Variants in UBE2H observed in about 807,000 individuals in gnomAD.
The protein encoded by UBE2H is ubiquitin-conjugating enzyme E2 H.
Under a neutral mutation model 29.0 loss-of-function variants are expected in UBE2H, and 3 were observed. The ratio of observed to expected loss-of-function variants is 0.10; its 90% CI spans 0.05 to 0.27. The LOEUF (loss-of-function observed/expected upper bound fraction) is 0.27. Among genes scored for constraint, UBE2H ranks in the 10% least tolerant of loss-of-function variants. UBE2H has a pLI of 1.00. For synonymous variants in UBE2H, 69 were observed against 82.9 expected (o/e 0.83, Z 0.91); for missense variants, 68 against 228.2 (o/e 0.30, Z 4.52).
chr7:129,884,870 A>G (rs769725773), intron 1 of UBE2H, among the ~76,000 whole-genome samples: 8 of 152,256 alleles, frequency 5.3e-5, no homozygotes, highest in Non-Finnish European at 8.8e-5. Flanking sequence ...GGCGTGAGCC[A>G]CCATGCCTAG....
At position 129,865,353 on chromosome 7, in the gene UBE2H, T is replaced by C. The variant is rs530517670; in HGVS notation, c.206-6412A>G. On this transcript the variant is annotated intron_variant, in intron 3 of 6. Coordinates refer to ENST00000355621, the MANE Select transcript of UBE2H (RefSeq NM_003344.4). ...ACACACTTCTGAGTAACTTCTGACA[T>C]TGGGGTCAATATGTAAATAAATGAG... Among the ~76,000 whole-genome samples, 182 of 152,290 alleles carry C rather than the reference T, an allele frequency of 1.2e-3. 1 individual carries two copies. Among genetic ancestry groups the C allele is most frequent in the Middle Eastern group, 6.8e-3 (2 of 294 alleles).
At chr7:129,906,701 A>G (rs939706909) in intron 1 of UBE2H, among the ~76,000 whole-genome samples, 1 of 152,230 alleles carries the variant, frequency 6.6e-6, no homozygotes, top group African/African-American at 2.4e-5. Flanking sequence ...TGAAAAAGAA[A>G]AAGTTCTTTC....
chr7:129,864,552 C>CTTTTTTTTTTTT (rs757244811), intron 3 of UBE2H, among the ~76,000 whole-genome samples: 2 of 75,670 alleles, frequency 2.6e-5, no homozygotes, highest in Non-Finnish European at 2.6e-5. Context: ...TTTTTCTTTT[C>CTTTTTTTTTTTT]TTTCTTTTTT....
chr7:129,944,287 C>T (rs927890379), intron 1 of UBE2H, among the ~76,000 whole-genome samples: 13 of 152,012 alleles, frequency 8.6e-5, no homozygotes, highest in African/African-American at 2.9e-4. Flanking sequence ...ACCCAGGAGG[C>T]GGAGCTGGCA....
intron 5 of UBE2H, among the ~76,000 whole-genome samples, chr7:129,844,620 C>T (rs1805481313): frequency 1.3e-5 from 2 of 152,072 alleles, no homozygotes; most frequent in Admixed American, 1.3e-4. Flanking sequence ...TACAGTCAGC[C>T]GACCCCATTT....
At chr7:129,843,855 C>T (rs530058624) in intron 5 of UBE2H, among the ~76,000 whole-genome samples, 2 of 152,286 alleles carry the variant, frequency 1.3e-5, no homozygotes, top group East Asian at 3.9e-4. Context: ...GATGCTATTA[C>T]ATAACAACGA....
At chr7:129,897,055 C>T (rs961878068) in intron 1 of UBE2H, among the ~76,000 whole-genome samples, 60 of 152,254 alleles carry the variant, frequency 3.9e-4, no homozygotes, top group Admixed American at 3.8e-3. Context: ...CATCCCCTTC[C>T]TCTTACATTA....
intron 1 of UBE2H, among the ~76,000 whole-genome samples, chr7:129,926,068 G>C (rs1029969833): frequency 6.6e-6 from 1 of 152,112 alleles, no homozygotes. Context: ...AGGAAACCAA[G>C]GCAAAGAGAT....
chr7:129,939,938 G>A (rs1386222577), intron 1 of UBE2H, among the ~76,000 whole-genome samples: 3 of 150,636 alleles, frequency 2.0e-5, no homozygotes, highest in Non-Finnish European at 1.5e-5. Flanking sequence ...CAGACTGGGC[G>A]ACAACATGAG....
intron 1 of UBE2H, among the ~76,000 whole-genome samples, chr7:129,914,882 C>T (rs1316596165): frequency 6.6e-6 from 1 of 152,118 alleles, no homozygotes; most frequent in Non-Finnish European, 1.5e-5. Context: ...AAAAAGAAAA[C>T]AGTACCTACC....
intron 5 of UBE2H, among the ~76,000 whole-genome samples, chr7:129,848,336 C>T (rs1384722040): frequency 6.6e-6 from 1 of 152,236 alleles, no homozygotes; most frequent in African/African-American, 2.4e-5. Flanking sequence ...AAACTTCTTT[C>T]ATCATCCCTC....
At chr7:129,863,876 C>T (rs1372325914) in intron 3 of UBE2H, among the ~76,000 whole-genome samples, 1 of 149,054 alleles carries the variant, frequency 6.7e-6, no homozygotes, top group African/African-American at 2.5e-5. Context: ...CAGCACCTTG[C>T]TCACTGCAAC....
chr7:129,883,470 A>G (rs1806295036), intron 1 of UBE2H, among the ~76,000 whole-genome samples: 1 of 152,254 alleles, frequency 6.6e-6, no homozygotes, highest in Non-Finnish European at 1.5e-5. Flanking sequence ...CAAAAATTAG[A>G]GACAATCCAA....
At chr7:129,854,060 G>GGTTTTTTTTTTTTTTTTTTT (rs1554430936) in intron 5 of UBE2H, among the ~76,000 whole-genome samples, 1 of 100,312 alleles carries the variant, frequency 1.0e-5, no homozygotes, top group Non-Finnish European at 2.0e-5. Flanking sequence ...TTTAGTGTTA[G>GGTTTTTTTTTTTTTTTTTTT]TTTTTTTTTT....
chr7:129,871,950 A>G (rs1453736085), intron 3 of UBE2H, among the ~76,000 whole-genome samples: 3 of 152,024 alleles, frequency 2.0e-5, no homozygotes, highest in African/African-American at 4.8e-5. Flanking sequence ...GGGTTCAAGT[A>G]ATTCTCCTTC....
intron 1 of UBE2H, among the ~76,000 whole-genome samples, chr7:129,911,754 C>CA (rs1806942484): frequency 6.6e-6 from 1 of 152,144 alleles, no homozygotes; most frequent in African/African-American, 2.4e-5. Context: ...CCTCCTGCCT[C>CA]AGCCTCCCGA....
intron 5 of UBE2H, among the ~76,000 whole-genome samples, chr7:129,852,969 G>A (rs1458764014): frequency 6.6e-6 from 1 of 152,080 alleles, no homozygotes; most frequent in African/African-American, 2.4e-5. Flanking sequence ...AAGGTGATCC[G>A]CCTGCCTTGT....
intron 1 of UBE2H, among the ~76,000 whole-genome samples, chr7:129,926,669 TG>T (rs1203776829): frequency 6.6e-6 from 1 of 152,142 alleles, no homozygotes; most frequent in Non-Finnish European, 1.5e-5. Context: ...ATCCATTCAC[TG>T]TCTTCTAATT....
Position 129,906,187 on chromosome 7 carries a change from C to T in UBE2H, c.54-25216G>A, listed in dbSNP as rs1408370976. ...GAGATAAGGATGAACTGTGAAACCC[C>T]GAGTAAAGCCATTTTTTTTTCTTTC... On this transcript the variant is annotated intron_variant, in intron 1 of 6. Transcript: ENST00000355621. Among the ~76,000 whole-genome samples, 5 of 151,210 alleles carry T rather than the reference C, an allele frequency of 3.3e-5. No homozygotes were observed. In the Admixed American group the frequency reaches 3.3e-4, roughly 10 times the overall value.
Sources: gnomAD v4.1 joint callset for allele counts (sites outside exome capture counted in the v4.1 genomes callset) on GRCh38, gnomAD v4.1.1 for gene constraint, MANE v1.5 for transcripts, NCBI Gene and HGNC (gene_info 2026-07-23, HGNC 2026-07-21) for gene names.